The following FAM107B variants were observed in gnomAD, a reference collection of about 807,000 sequenced individuals.
The protein encoded by FAM107B is protein FAM107B.
A neutral mutation model predicts 31.5 loss-of-function variants in FAM107B; 21 were observed. The ratio of observed to expected loss-of-function variants is 0.67; its 90% confidence interval spans 0.47 to 0.96. The LOEUF is 0.96. Ranked by LOEUF, FAM107B falls within the 40% of genes least tolerant of loss-of-function variation. The probability of loss-of-function intolerance (pLI) is 0.00; values close to 1 mark genes in which losing one functional copy is unlikely to be tolerated. For synonymous variants in FAM107B, 157 were observed against 141.5 expected (o/e 1.11, Z -0.78); for missense variants, 452 against 377.1 (o/e 1.20, Z -1.64).
chr10:14,734,765 G>C (rs921233322), intron 1 of FAM107B, among the ~76,000 whole-genome samples: 6 of 152,058 alleles, frequency 3.9e-5, no homozygotes, highest in Non-Finnish European at 8.8e-5. Context: ...TATTTATTGA[G>C]ATGGAGTCTT....
intron 1 of FAM107B, among the ~76,000 whole-genome samples, chr10:14,765,235 TC>T (rs1387842171): frequency 6.6e-6 from 1 of 152,250 alleles, no homozygotes; most frequent in Non-Finnish European, 1.5e-5. Flanking sequence ...TATTCCCTCA[TC>T]TTTTATGTCT....
chr10:14,672,095 T>TTA (rs1854571900), intron 1 of FAM107B, among the ~76,000 whole-genome samples: 4 of 12,458 alleles, frequency 3.2e-4, no homozygotes, highest in South Asian at 3.2e-3. Context: ...TTTTATTTTT[T>TTA]ATTTATTTAT....
At chr10:14,591,641 G>A (rs1385322687) in intron 2 of FAM107B, among the ~76,000 whole-genome samples, 2 of 152,182 alleles carry the variant, frequency 1.3e-5, no homozygotes, top group Non-Finnish European at 2.9e-5. Flanking sequence ...AGATCGATGA[G>A]GAAATGAAAG....
intron 2 of FAM107B, among the ~76,000 whole-genome samples, chr10:14,549,020 CCTT>C (rs1411988912): frequency 6.6e-6 from 1 of 152,130 alleles, no homozygotes; most frequent in African/African-American, 2.4e-5. Context: ...GACCAGAGCT[CCTT>C]CTTTCTCAAT....
Position 14,646,880 on chromosome 10 carries a change from G to A in FAM107B, c.469+20754C>T, listed in dbSNP as rs1031715025. On this transcript the variant is annotated intron_variant, in intron 2 of 4. Transcript: ENST00000181796. ...ACAATCTCTGCTCACTGCAAGCTCC[G>A]CCTCCTGGATTCACGCCATTCTCCT... Among the ~76,000 whole-genome samples the A allele has an allele frequency of 1.9e-4, 24 of 127,940 alleles. No homozygotes were observed. The Admixed American group carries it at 1.9e-3, about 10-fold the overall frequency. The allele number at this position is 127,940 out of a possible 152,430, so 83.9% of individuals were successfully genotyped here.
At chr10:14,725,439 C>T (rs1369691244) in intron 1 of FAM107B, among the ~76,000 whole-genome samples, 3 of 152,178 alleles carry the variant, frequency 2.0e-5, no homozygotes, top group Admixed American at 6.5e-5. Flanking sequence ...ATATCAAATA[C>T]GCCAGAGGCT....
intron 2 of FAM107B, among the ~76,000 whole-genome samples, chr10:14,556,880 T>G (rs1266280706): frequency 1.3e-5 from 2 of 152,250 alleles, no homozygotes; most frequent in South Asian, 4.1e-4. Flanking sequence ...TGATCTGACC[T>G]GGGCCTGCTT....
At chr10:14,597,591 A>AG (rs1390925024) in intron 2 of FAM107B, among the ~76,000 whole-genome samples, 1 of 152,118 alleles carries the variant, frequency 6.6e-6, no homozygotes, top group Non-Finnish European at 1.5e-5. Flanking sequence ...CAAGGGACAA[A>AG]GCTCCCATCC....
intron 2 of FAM107B, among the ~76,000 whole-genome samples, chr10:14,635,920 C>A (rs972717522): frequency 6.6e-6 from 1 of 152,134 alleles, no homozygotes; most frequent in Non-Finnish European, 1.5e-5. Flanking sequence ...GCATGAGCCA[C>A]CATGCCTGGC....
At chr10:14,771,623 AAAAT>A (rs1235615989) in intron 1 of FAM107B, among the ~76,000 whole-genome samples, 3 of 150,876 alleles carry the variant, frequency 2.0e-5, no homozygotes, top group African/African-American at 7.5e-5. Flanking sequence ...ACAACAAATA[AAAAT>A]AAATTAAAAA....
At chr10:14,729,326 C>T (rs187205974) in intron 1 of FAM107B, among the ~76,000 whole-genome samples, 32 of 152,144 alleles carry the variant, frequency 2.1e-4, no homozygotes, top group South Asian at 2.1e-3. Context: ...CCCTATTTTA[C>T]GGAAAAGAAA....
intron 2 of FAM107B, among the ~76,000 whole-genome samples, chr10:14,556,714 T>G (rs1399637951): frequency 2.0e-5 from 3 of 152,260 alleles, no homozygotes; most frequent in African/African-American, 7.2e-5. Context: ...CAGATAGTTT[T>G]GTGGCTAAAA....
At chr10:14,657,456 A>G (rs988804380) in intron 2 of FAM107B, among the ~76,000 whole-genome samples, 8 of 152,196 alleles carry the variant, frequency 5.3e-5, no homozygotes, top group African/African-American at 1.9e-4. Flanking sequence ...GACTAGGAGC[A>G]TACCATTGCT....
chr10:14,640,866 G>A (rs142196788), intron 2 of FAM107B, among the ~76,000 whole-genome samples: 1 of 152,130 alleles, frequency 6.6e-6, no homozygotes, highest in Non-Finnish European at 1.5e-5. Context: ...TCTTCAAGGG[G>A]ACTGCCCAAT....
At chr10:14,662,860 G>A (rs1009760712) in intron 2 of FAM107B, among the ~76,000 whole-genome samples, 1 of 152,196 alleles carries the variant, frequency 6.6e-6, no homozygotes, top group Non-Finnish European at 1.5e-5. Context: ...TTGTTTCTGG[G>A]TGTGTTGGTG....
chr10:14,720,589 G>A (rs555346905), intron 1 of FAM107B, among the ~76,000 whole-genome samples: 1 of 152,142 alleles, frequency 6.6e-6, no homozygotes, highest in Non-Finnish European at 1.5e-5. Flanking sequence ...TTTAAAAGTT[G>A]TAGGGCTTTA....
chr10:14,613,790 T>C (rs1370841382), intron 2 of FAM107B, among the ~76,000 whole-genome samples: 1 of 152,180 alleles, frequency 6.6e-6, no homozygotes, highest in Non-Finnish European at 1.5e-5. Flanking sequence ...AAACAAATTA[T>C]ACAACGCTTT....
intron 2 of FAM107B, among the ~76,000 whole-genome samples, chr10:14,648,361 G>A (rs1397901632): frequency 1.3e-5 from 2 of 152,216 alleles, no homozygotes; most frequent in African/African-American, 2.4e-5. Flanking sequence ...AAAAAGCCCG[G>A]AGAAGTACTG....
intron 2 of FAM107B, among the ~76,000 whole-genome samples, chr10:14,644,341 A>C (rs991451362): frequency 2.0e-5 from 3 of 152,200 alleles, no homozygotes; most frequent in African/African-American, 7.2e-5. Context: ...TCATTTATCT[A>C]TTTCTATCTA....
Sources: allele counts gnomAD v4.1 joint callset (sites outside exome capture counted in the v4.1 genomes callset), GRCh38; gene constraint gnomAD v4.1.1; transcripts MANE v1.5; gene names NCBI Gene and HGNC (gene_info 2026-07-23, HGNC 2026-07-21).